The following GPM6A variants were observed in gnomAD, a reference collection of about 807,000 sequenced individuals.
GPM6A encodes the protein neuronal membrane glycoprotein M6-a.
Under a neutral mutation model 32.1 loss-of-function variants are expected in GPM6A, and 7 were observed. The ratio of observed to expected loss-of-function variants is 0.22; its 90% CI spans 0.12 to 0.41. The LOEUF (loss-of-function observed/expected upper bound fraction) is 0.41, where lower values mean the gene tolerates loss of function less well. GPM6A is among the 10% of genes least tolerant of loss of function. The pLI is 1.00. For synonymous variants in GPM6A, 130 were observed against 123.4 expected (o/e 1.05, Z -0.35); for missense variants, 235 against 347.2 (o/e 0.68, Z 2.57).
At chr4:175,638,113 C>G (rs1740921925) in intron 6 of GPM6A, among the ~76,000 whole-genome samples, 1 of 150,178 alleles carries the variant, frequency 6.7e-6, no homozygotes, top group Non-Finnish European at 1.5e-5. Flanking sequence ...TTCCTAACTT[C>G]TCTACAAATA....
At chr4:175,737,421 C>T (rs910836088) in intron 1 of GPM6A, among the ~76,000 whole-genome samples, 4 of 151,922 alleles carry the variant, frequency 2.6e-5, no homozygotes, top group Non-Finnish European at 5.9e-5. Flanking sequence ...GCAGGAGAAT[C>T]GCTTGAACCT....
At chr4:175,959,933 A>G (rs1183453616) in intron 1 of GPM6A, among the ~76,000 whole-genome samples, 1 of 152,222 alleles carries the variant, frequency 6.6e-6, no homozygotes, top group Non-Finnish European at 1.5e-5. Context: ...TAAGCAATTT[A>G]TACATTAAAT....
At chr4:175,886,722 AACACACACACAC>A (rs34241399) in intron 1 of GPM6A, among the ~76,000 whole-genome samples, 13 of 145,722 alleles carry the variant, frequency 8.9e-5, no homozygotes, top group Non-Finnish European at 3.0e-5. Flanking sequence ...AAACTCAGTA[AACACACACACAC>A]ACACACACAC....
In GPM6A at chr4:175,636,659, G is replaced by T. The variant is rs1254358755; in HGVS notation, c.685-1602C>A. Among the ~76,000 whole-genome samples, 6 of 150,786 alleles carry T rather than the reference G, an allele frequency of 4.0e-5. No homozygotes were observed. In the South Asian group the frequency reaches 8.3e-4, roughly 21 times the overall value. The stretch of plus-strand genomic sequence containing the variant: ...AAAAGTACAAAACGTAGCTGGGTGT[G>T]GTGCCACGTGCCTGTAATCCCAGCT... On this transcript the variant is annotated intron_variant, in intron 6 of 6. Coordinates refer to ENST00000393658, the MANE Select transcript of GPM6A (RefSeq NM_201591.3).
intron 6 of GPM6A, 111 bp from the exon 7 acceptor site, chr4:175,635,168 A>C: frequency 1.3e-6 from 1 of 779,122 alleles, no homozygotes; most frequent in Non-Finnish European, 2.1e-6. Context: ...AAATGTTCAC[A>C]TATAAAATGG....
At chr4:175,978,937 T>C (rs1348726386) in intron 1 of GPM6A, among the ~76,000 whole-genome samples, 1 of 150,946 alleles carries the variant, frequency 6.6e-6, no homozygotes, top group Non-Finnish European at 1.5e-5. Flanking sequence ...TCAAAGCCCA[T>C]GTAAAGCCTA....
intron 1 of GPM6A, among the ~76,000 whole-genome samples, chr4:175,831,285 G>A (rs183581658): frequency 2.0e-5 from 3 of 152,232 alleles, no homozygotes; most frequent in Non-Finnish European, 2.9e-5. Flanking sequence ...GGGAAAGGTA[G>A]AATTATTAGT....
chr4:175,711,037 T>A (rs1745499747), intron 1 of GPM6A, among the ~76,000 whole-genome samples: 1 of 152,172 alleles, frequency 6.6e-6, no homozygotes, highest in African/African-American at 2.4e-5. Flanking sequence ...ACTTCTCCTT[T>A]AACTTTATTG....
intron 1 of GPM6A, chr4:175,787,490 T>C (rs1733847949): frequency 2.0e-6 from 3 of 1,484,184 alleles, no homozygotes; most frequent in Non-Finnish European, 2.7e-6. Flanking sequence ...TTTAAGTCAC[T>C]ATTTTTGGTC....
chr4:175,867,385 G>A (rs1736773507), intron 1 of GPM6A, among the ~76,000 whole-genome samples: 1 of 151,792 alleles, frequency 6.6e-6, no homozygotes, highest in African/African-American at 2.4e-5. Context: ...TTATAGCTTT[G>A]CACTTAACAT....
intron 1 of GPM6A, among the ~76,000 whole-genome samples, chr4:175,914,189 G>A (rs934469526): frequency 6.6e-5 from 10 of 152,136 alleles, no homozygotes; most frequent in Non-Finnish European, 1.5e-4. Context: ...GTAGTGAGGT[G>A]AGTTGTCACA....
At chr4:175,729,501 G>T (rs1731321143) in intron 1 of GPM6A, among the ~76,000 whole-genome samples, 1 of 151,840 alleles carries the variant, frequency 6.6e-6, no homozygotes, top group Non-Finnish European at 1.5e-5. Flanking sequence ...AAAATAGTTG[G>T]AAAAAATAAA....
intron 1 of GPM6A, among the ~76,000 whole-genome samples, chr4:175,930,271 G>T (rs914569666): frequency 1.2e-4 from 19 of 152,034 alleles, no homozygotes; most frequent in Non-Finnish European, 2.8e-4. Context: ...AAACAAAACT[G>T]CCAGGGAAGT....
At chr4:175,712,662 T>G (rs1481747860) in intron 1 of GPM6A, among the ~76,000 whole-genome samples, 1 of 152,164 alleles carries the variant, frequency 6.6e-6, no homozygotes, top group Non-Finnish European at 1.5e-5. Context: ...AGAGAACAAT[T>G]AAATCAAGAC....
intron 1 of GPM6A, among the ~76,000 whole-genome samples, chr4:175,889,068 A>G (rs1737549671): frequency 6.6e-6 from 1 of 152,202 alleles, no homozygotes; most frequent in Admixed American, 6.5e-5. Context: ...GACAACTGAC[A>G]AACTATATGG....
chr4:175,752,900 A>G (rs1031661232), intron 1 of GPM6A, among the ~76,000 whole-genome samples: 1 of 152,168 alleles, frequency 6.6e-6, no homozygotes, highest in Non-Finnish European at 1.5e-5. Context: ...ACTCTGTCCA[A>G]TGGTTCGAAA....
At chr4:175,953,382 A>C (rs1475997148) in intron 1 of GPM6A, among the ~76,000 whole-genome samples, 4 of 152,222 alleles carry the variant, frequency 2.6e-5, no homozygotes, top group African/African-American at 7.2e-5. Flanking sequence ...TTGCAGACCT[A>C]AACTGTATCC....
chr4:175,839,488 G>A (rs1735873580), intron 1 of GPM6A, among the ~76,000 whole-genome samples: 1 of 152,090 alleles, frequency 6.6e-6, no homozygotes. Flanking sequence ...CTTTTTGAAA[G>A]ACACTTCAAG....
At chr4:175,835,517 T>G (rs1049918409) in intron 1 of GPM6A, among the ~76,000 whole-genome samples, 1 of 151,216 alleles carries the variant, frequency 6.6e-6, no homozygotes, top group South Asian at 2.1e-4. Context: ...ACCTTCTCTG[T>G]CCTCCATTTC....
Sources: gnomAD v4.1 joint callset for allele counts (sites outside exome capture counted in the v4.1 genomes callset) on GRCh38, gnomAD v4.1.1 for gene constraint, MANE v1.5 for transcripts, NCBI Gene and HGNC (gene_info 2026-07-23, HGNC 2026-07-21) for gene names.